Variants in VPS13B observed in about 807,000 individuals in gnomAD.
VPS13B encodes vacuolar protein sorting 13 homolog B, also known as intermembrane lipid transfer protein VPS13B.
Under a neutral mutation model 426.4 loss-of-function variants are expected in VPS13B, and 285 were observed. That is an observed-to-expected ratio of 0.67 (90% CI 0.61 to 0.74). The LOEUF is 0.74. Ranked by LOEUF, VPS13B falls within the 30% of genes least tolerant of loss-of-function variation. The probability of loss-of-function intolerance (pLI) is 0.00; values close to 1 mark genes in which losing one functional copy is unlikely to be tolerated. For synonymous variants in VPS13B, 1,676 were observed against 1,676.4 expected, an observed-to-expected ratio of 1.00 and a Z score of 0.01; for missense variants, 4,537 against 4,782.6, an observed-to-expected ratio of 0.95 and a Z score of 1.51.
intron 33 of VPS13B, among the ~76,000 whole-genome samples, chr8:99,587,575 G>A (rs1254927684): frequency 6.6e-6 from 1 of 151,772 alleles, no homozygotes; most frequent in African/African-American, 2.4e-5. Context: ...GATGACCAGT[G>A]ATGATGAGCA....
intron 39 of VPS13B, among the ~76,000 whole-genome samples, chr8:99,737,857 T>C (rs1833909002): frequency 1.3e-5 from 2 of 152,270 alleles, no homozygotes; most frequent in African/African-American, 2.4e-5. Flanking sequence ...TAAGTGTGTT[T>C]TCTTGTTAAC....
intron 43 of VPS13B, among the ~76,000 whole-genome samples, chr8:99,794,679 C>A (rs1812718156): frequency 6.6e-6 from 1 of 152,158 alleles, no homozygotes; most frequent in Non-Finnish European, 1.5e-5. Context: ...TCATTTTGTA[C>A]TGTCTTTATC....
chr8:99,065,465 C>G (rs1190028263), intron 3 of VPS13B, among the ~76,000 whole-genome samples: 1 of 152,134 alleles, frequency 6.6e-6, no homozygotes, highest in African/African-American at 2.4e-5. Context: ...TTTAACAGCG[C>G]TTCATACTAA....
Position 99,595,822 on chromosome 8 carries a change from A to G in VPS13B, c.5220+18189A>G, listed in dbSNP as rs796912790. 3.7e-4 allele frequency among the ~76,000 whole-genome samples: 57 copies of G among 152,066 alleles called. 1 individual carries two copies. Among genetic ancestry groups the G allele is most frequent in the Middle Eastern group, 3.4e-3 (1 of 294 alleles). ...CTTATAACTCAGGAATAAAAATGCAAATAACCCAATTTTTAAATGGGCTCA... is the reference window on the plus strand; with the variant it reads ...CTTATAACTCAGGAATAAAAATGCAGATAACCCAATTTTTAAATGGGCTCA... On this transcript the variant is annotated intron_variant, in intron 33 of 61. Coordinates refer to ENST00000357162, the MANE Select transcript of VPS13B (RefSeq NM_152564.5).
intron 2 of VPS13B, among the ~76,000 whole-genome samples, chr8:99,031,006 A>G (rs758501016): frequency 1.3e-5 from 2 of 152,202 alleles, no homozygotes; most frequent in Admixed American, 6.5e-5. Context: ...CGTAGGCTGT[A>G]GGAACTTTTG....
At chr8:99,694,705 A>T (rs1831869260) in intron 35 of VPS13B, among the ~76,000 whole-genome samples, 3 of 150,350 alleles carry the variant, frequency 2.0e-5, no homozygotes, top group African/African-American at 7.3e-5. Flanking sequence ...ATGGGATCTA[A>T]TTAAACTAAA....
intron 33 of VPS13B, among the ~76,000 whole-genome samples, chr8:99,594,553 T>C (rs1826893450): frequency 6.6e-6 from 1 of 152,020 alleles, no homozygotes; most frequent in Non-Finnish European, 1.5e-5. Flanking sequence ...TGCTTGATTA[T>C]AGAGCATATA....
chr8:99,590,529 C>T (rs1475210237), intron 33 of VPS13B, among the ~76,000 whole-genome samples: 4 of 152,032 alleles, frequency 2.6e-5, no homozygotes. Flanking sequence ...GATTCTGGTA[C>T]ATTGTGTCTT....
rs147817990 is a variant in VPS13B at position 99,717,361 on chromosome 8, A to C, written c.6645A>C (p.Gly2215=). Reference sequence around the variant, plus strand: ...CAAAAATATCCATTGACTTAAGAGGAGGTCTACTACAGGTCTGTGGGTATT... The same window carrying C: ...CAAAAATATCCATTGACTTAAGAGGCGGTCTACTACAGGTCTGTGGGTATT... ...SIPKISIDLR[G]GLLQVFWGQE... Residue 2215 remains glycine, a synonymous_variant, in exon 37 of 62, where the codon GGA becomes GGC. Coordinates refer to ENST00000357162, the MANE Select transcript of VPS13B (RefSeq NM_152564.5). 6.8e-5 allele frequency: 109 copies of C among 1,613,938 alleles called. No individual in the cohort carries two copies. The African/African-American group carries it at 1.4e-3, about 20-fold the overall frequency.
chr8:99,386,092 A>G (rs867492756), intron 20 of VPS13B, among the ~76,000 whole-genome samples: 24 of 152,306 alleles, frequency 1.6e-4, no homozygotes, highest in African/African-American at 4.8e-4. Context: ...AAGTTAGACT[A>G]ATGGCAGTAA....
chr8:99,744,447 T>TGACCC (rs969352041), intron 39 of VPS13B, among the ~76,000 whole-genome samples: 2 of 152,208 alleles, frequency 1.3e-5, no homozygotes, highest in Non-Finnish European at 2.9e-5. Context: ...AAATACCATT[T>TGACCC]GACCCAGCCA....
chr8:99,185,478 A>G (rs376326147), intron 16 of VPS13B, among the ~76,000 whole-genome samples: 17 of 152,348 alleles, frequency 1.1e-4, no homozygotes, highest in African/African-American at 3.6e-4. Context: ...GTTAGCAAAG[A>G]ACTGTACTCA....
At chr8:99,374,493 A>C (rs1043073593) in intron 19 of VPS13B, among the ~76,000 whole-genome samples, 1 of 152,056 alleles carries the variant, frequency 6.6e-6, no homozygotes, top group African/African-American at 2.4e-5. Flanking sequence ...TGATAATTCC[A>C]ATATCTGGGC....
At chr8:99,871,744 T>C (rs747085838) in intron 61 of VPS13B, 47 bp downstream of exon 61, 6 of 1,610,484 alleles carry the variant, frequency 3.7e-6, no homozygotes, top group South Asian at 2.2e-5. Flanking sequence ...GCCAGGGAGG[T>C]TGAGGAGCAG....
intron 33 of VPS13B, among the ~76,000 whole-genome samples, chr8:99,587,157 C>A (rs1826346638): frequency 6.6e-6 from 1 of 152,128 alleles, no homozygotes; most frequent in African/African-American, 2.4e-5. Flanking sequence ...TGAACTCATC[C>A]TTTTTCACAG....
chr8:99,037,732 C>A (rs1438432393), intron 2 of VPS13B, among the ~76,000 whole-genome samples: 1 of 151,928 alleles, frequency 6.6e-6, no homozygotes, highest in Non-Finnish European at 1.5e-5. Flanking sequence ...TGACATTTTT[C>A]ATGCCTAACC....
chr8:99,742,337 C>T (rs1809782753), intron 39 of VPS13B, among the ~76,000 whole-genome samples: 1 of 152,152 alleles, frequency 6.6e-6, no homozygotes, highest in Admixed American at 6.5e-5. Context: ...TAATTAATAG[C>T]TTAGCAACCA....
At chr8:99,381,329 A>G (rs546112916) in intron 19 of VPS13B, among the ~76,000 whole-genome samples, 2 of 152,148 alleles carry the variant, frequency 1.3e-5, no homozygotes, top group Admixed American at 1.3e-4. Context: ...GGTTGATTCC[A>G]TGTCTTTGCT....
chr8:99,115,647 A>G (rs1306158821), intron 6 of VPS13B, 53 bp from the exon 7 acceptor site: 1 of 1,570,830 alleles, frequency 6.4e-7, no homozygotes, highest in Non-Finnish European at 8.7e-7. Flanking sequence ...TTATGTAAAA[A>G]ATACTCTTTT....
Sources: allele counts gnomAD v4.1 joint callset (sites outside exome capture counted in the v4.1 genomes callset), GRCh38; gene constraint gnomAD v4.1.1; transcripts MANE v1.5; gene names NCBI Gene and HGNC (gene_info 2026-07-23, HGNC 2026-07-21).